The following CTNNA3 variants were observed in gnomAD, a reference collection of about 807,000 sequenced individuals.
The protein encoded by CTNNA3 is catenin alpha 3.
In CTNNA3, 76 loss-of-function variants were observed where a neutral mutation model predicts 95.7. That is an observed-to-expected ratio of 0.79 (90% CI 0.66 to 0.96). The LOEUF (loss-of-function observed/expected upper bound fraction) is 0.96. CTNNA3 is among the 40% of genes least tolerant of loss of function. The pLI is 0.00. For synonymous variants in CTNNA3, 431 were observed against 374.4 expected (o/e 1.15, Z -1.74); for missense variants, 1,191 against 1,089.8 (o/e 1.09, Z -1.31).
intron 17 of CTNNA3, among the ~76,000 whole-genome samples, chr10:65,937,604 G>T (rs1327443565): frequency 6.6e-6 from 1 of 152,016 alleles, no homozygotes; most frequent in Non-Finnish European, 1.5e-5. Context: ...TAGTGATCAT[G>T]ACCAGTTTCT....
At chr10:66,078,898 A>T (rs1419604164) in intron 14 of CTNNA3, 1 of 151,942 alleles carries the variant, frequency 6.6e-6, no homozygotes, top group African/African-American at 2.4e-5. Flanking sequence ...TTAAGATGCT[A>T]TTCAGTGCCC....
intron 7 of CTNNA3, among the ~76,000 whole-genome samples, chr10:66,888,358 C>T (rs894196497): frequency 1.3e-5 from 2 of 152,192 alleles, no homozygotes; most frequent in Non-Finnish European, 2.9e-5. Context: ...AGCCAGCCCT[C>T]CTGACACATT....
At chr10:66,822,760 G>A (rs1351560368) in intron 7 of CTNNA3, among the ~76,000 whole-genome samples, 2 of 152,172 alleles carry the variant, frequency 1.3e-5, no homozygotes, top group African/African-American at 4.8e-5. Flanking sequence ...TTGTGGATAA[G>A]GATTCTTGAA....
chr10:66,673,303 T>A lies in CTNNA3; in HGVS notation c.1282-51519A>T, dbSNP rs80314083. ...AAGATTTTTGTTCGTTAAATCACCA[T>A]ATAGACATATTACATACATTAATGA... On this transcript the variant is annotated intron_variant, in intron 9 of 17. Coordinates refer to ENST00000433211, the MANE Select transcript of CTNNA3 (RefSeq NM_013266.4). Among the ~76,000 whole-genome samples the A allele has an allele frequency of 7.0e-3, 1,065 of 152,242 alleles. 13 individuals carry two copies. Among genetic ancestry groups the A allele is most frequent in the African/African-American group, 0.024 (1,012 of 41,554 alleles).
At chr10:66,647,181 A>G (rs1006724820) in intron 9 of CTNNA3, among the ~76,000 whole-genome samples, 4 of 152,182 alleles carry the variant, frequency 2.6e-5, no homozygotes, top group African/African-American at 9.7e-5. Context: ...AAAACCAAAA[A>G]TTAACATCTA....
At chr10:66,022,145 A>T (rs1320772251) in intron 15 of CTNNA3, among the ~76,000 whole-genome samples, 1 of 152,100 alleles carries the variant, frequency 6.6e-6, no homozygotes, top group Non-Finnish European at 1.5e-5. Flanking sequence ...GGCTTGAGCC[A>T]CCATGCCCAG....
chr10:66,456,471 T>C (rs1026297964), intron 11 of CTNNA3, among the ~76,000 whole-genome samples: 7 of 152,020 alleles, frequency 4.6e-5, no homozygotes, highest in African/African-American at 2.4e-5. Flanking sequence ...CAACCTGACC[T>C]GGAGTTTGAG....
intron 10 of CTNNA3, among the ~76,000 whole-genome samples, chr10:66,588,027 G>A (rs72799237): frequency 1.3e-5 from 2 of 152,278 alleles, no homozygotes; most frequent in Non-Finnish European, 2.9e-5. Flanking sequence ...GAGTTAGCTG[G>A]TAGACTTCTG....
chr10:66,157,775 C>T (rs2084621236), intron 13 of CTNNA3, among the ~76,000 whole-genome samples: 1 of 152,038 alleles, frequency 6.6e-6, no homozygotes, highest in African/African-American at 2.4e-5. Context: ...CATGAGTTTA[C>T]ATTCCCGCCT....
intron 7 of CTNNA3, among the ~76,000 whole-genome samples, chr10:67,031,093 T>A (rs1472561496): frequency 6.6e-6 from 1 of 152,224 alleles, no homozygotes; most frequent in African/African-American, 2.4e-5. Context: ...GACTTCTGTT[T>A]TCACATGTTT....
Position 67,521,828 on chromosome 10 carries a change from G to C in CTNNA3, c.579+14C>G. The C allele has an allele frequency of 6.2e-7, 1 of 1,612,506 alleles. No homozygotes were observed. The highest frequency in any genetic ancestry group is 8.5e-7 in the Non-Finnish European group (1 of 1,179,150). On this transcript the variant is annotated intron_variant, in intron 5 of 17. Coordinates refer to ENST00000433211, the MANE Select transcript of CTNNA3 (RefSeq NM_013266.4). Reference sequence around the variant, plus strand: ...GTGTTCATCTCCTCCACCAAGGAGAGCTCTGACTCCTACCTGCTGACGTTT... The same window carrying C: ...GTGTTCATCTCCTCCACCAAGGAGACCTCTGACTCCTACCTGCTGACGTTT...
intron 13 of CTNNA3, among the ~76,000 whole-genome samples, chr10:66,164,321 T>TA (rs2085008791): frequency 6.6e-6 from 1 of 152,198 alleles, no homozygotes; most frequent in Non-Finnish European, 1.5e-5. Context: ...GAAGTTATTG[T>TA]AGTAGATATA....
intron 17 of CTNNA3, among the ~76,000 whole-genome samples, chr10:65,937,415 C>T (rs74140876): frequency 0.026 from 3,992 of 152,226 alleles, 159 homozygotes; most frequent in African/African-American, 0.09. Flanking sequence ...ATACAACTTA[C>T]TCACCGTTTC....
chr10:65,943,441 G>T (rs1296251040), intron 17 of CTNNA3, among the ~76,000 whole-genome samples: 1 of 152,110 alleles, frequency 6.6e-6, no homozygotes, highest in Non-Finnish European at 1.5e-5. Context: ...TTACTGCTAG[G>T]ATTCTCTAAA....
intron 7 of CTNNA3, among the ~76,000 whole-genome samples, chr10:66,948,095 C>G (rs1848365356): frequency 1.3e-5 from 2 of 152,168 alleles, no homozygotes. Flanking sequence ...AACACAATAT[C>G]ATAACTTGTG....
Position 66,225,862 on chromosome 10 carries a change from G to A in CTNNA3, c.1884+54608C>T, listed in dbSNP as rs113298576. On this transcript the variant is annotated intron_variant, in intron 13 of 17. Transcript: ENST00000433211. ...TTTTAAATATACTTATTAGCCACTCGTATGTCTTATTTTGAGAAATGTCTA... is the reference window on the plus strand; with the variant it reads ...TTTTAAATATACTTATTAGCCACTCATATGTCTTATTTTGAGAAATGTCTA... 3.5e-3 allele frequency among the ~76,000 whole-genome samples: 530 copies of A among 151,950 alleles called. 6 individuals carry two copies. The highest frequency in any genetic ancestry group is 0.012 in the African/African-American group (511 of 41,484).
At chr10:66,608,847 C>T (rs893399763) in intron 10 of CTNNA3, among the ~76,000 whole-genome samples, 9 of 152,128 alleles carry the variant, frequency 5.9e-5, no homozygotes, top group East Asian at 1.9e-4. Context: ...TGGAAGACAA[C>T]CTAGGCAATA....
intron 5 of CTNNA3, among the ~76,000 whole-genome samples, chr10:67,462,172 C>T (rs1453854439): frequency 6.6e-6 from 1 of 152,112 alleles, no homozygotes; most frequent in Non-Finnish European, 1.5e-5. Context: ...TTATAAGCAC[C>T]TAATTCTCTC....
In CTNNA3 at chr10:65,963,099, T is replaced by A. The variant is rs12098539; in HGVS notation, c.2400+3513A>T. ...CTTTCTAATCTATCACTGCTGTGTC[T>A]AAAAAATGTTAACTTTGAAATACAT... On this transcript the variant is annotated intron_variant, in intron 17 of 17. Transcript: ENST00000433211. Among the ~76,000 whole-genome samples, 236 of 152,298 alleles carry A rather than the reference T, an allele frequency of 1.5e-3. 2 individuals carry two copies. Among genetic ancestry groups the A allele is most frequent in the African/African-American group, 5.2e-3 (218 of 41,560 alleles).
Sources: gnomAD v4.1 joint callset for allele counts (sites outside exome capture counted in the v4.1 genomes callset) on GRCh38, gnomAD v4.1.1 for gene constraint, MANE v1.5 for transcripts, NCBI Gene and HGNC (gene_info 2026-07-23, HGNC 2026-07-21) for gene names.